The following GPR78 variants were observed in gnomAD, a reference collection of about 807,000 sequenced individuals.
GPR78 encodes G protein-coupled receptor 78.
In GPR78, 29 loss-of-function variants were observed where a neutral mutation model predicts 17.9. The observed-to-expected ratio is 1.62, with a 90% confidence interval of 1.20 to 2.21. The LOEUF (loss-of-function observed/expected upper bound fraction) is 2.21. GPR78 is among the 30% of genes most tolerant of loss of function. The pLI, the probability that GPR78 is intolerant of heterozygous loss-of-function variation, is 0.00. For missense variants in GPR78, 649 were observed against 530.5 expected (o/e 1.22, Z -2.19); for synonymous variants, 349 against 256.9 (o/e 1.36, Z -3.43).
chr4:8,588,879 C>G lies in GPR78; in HGVS notation c.*1516C>G, dbSNP rs1713631498. ...GTGTTATTATTATACTTTTAAAAAA[C>G]TTTTTGAGACAGGGTCTGACTCTGT... On this transcript the variant is annotated 3_prime_UTR_variant, in exon 3 of 3. Coordinates refer to ENST00000382487, the MANE Select transcript of GPR78 (RefSeq NM_080819.5). 6.6e-6 allele frequency among the ~76,000 whole-genome samples: 1 copy of G among 152,160 alleles called. No homozygotes were observed. Among genetic ancestry groups the G allele is most frequent in the East Asian group, 1.9e-4 (1 of 5,192 alleles).
Position 8,589,827 on chromosome 4 carries a change from G to A in GPR78, c.*2464G>A, listed in dbSNP as rs1454886394. Among the ~76,000 whole-genome samples the A allele has an allele frequency of 6.6e-6, 1 of 152,030 alleles. No homozygotes were observed. Among genetic ancestry groups the A allele is most frequent in the Non-Finnish European group, 1.5e-5 (1 of 68,030 alleles). On this transcript the variant is annotated 3_prime_UTR_variant, in exon 3 of 3. Transcript: ENST00000382487. ...AGCTCCATGGAATGTTCTGGAGCAG[G>A]CATCTTAGGGCATTCCCTCCGCACT... is the stretch of plus-strand genomic sequence containing the variant.
Position 8,587,427 on chromosome 4 carries a change from C to A in GPR78, c.*64C>A. 1 of 1,508,086 alleles carries A rather than the reference C, an allele frequency of 6.6e-7. No homozygotes were observed. The highest frequency in any genetic ancestry group is 1.2e-5 in the South Asian group (1 of 80,668). 93.4% of individuals were successfully genotyped at this position (1,508,086 alleles called of 1,614,324 possible). A position where few individuals can be genotyped will look rare whatever the true frequency, so the allele number is the denominator to read the frequency against. ...CCCTGTGGAAAGGGCACTGGCCCTG[C>A]CACAGAGATGCCACTGGGGACCCCC... is the stretch of plus-strand genomic sequence containing the variant. On this transcript the variant is annotated 3_prime_UTR_variant, in exon 3 of 3. Coordinates refer to ENST00000382487, the MANE Select transcript of GPR78 (RefSeq NM_080819.5).
Position 8,587,369 on chromosome 4 carries a change from T to C in GPR78, c.*6T>C. On this transcript the variant is annotated 3_prime_UTR_variant, in exon 3 of 3. Transcript: ENST00000382487. ...GCCTGCAGCAGACACACTGAGGGCC[T>C]GGCAGGGCTCATCGCCCCCACCTTC... 1 of 1,608,660 alleles carries C rather than the reference T, an allele frequency of 6.2e-7. No homozygotes were observed. Among genetic ancestry groups the C allele is most frequent in the South Asian group, 1.1e-5 (1 of 90,828 alleles).
intron 2 of GPR78, 49 bp downstream of exon 2, chr4:8,582,693 T>G: frequency 7.8e-7 from 1 of 1,277,286 alleles, no homozygotes; most frequent in Non-Finnish European, 1.1e-6. Flanking sequence ...TGGGTGGGCT[T>G]GGCCTCAGTT....
chr4:8,589,750 ACT>A lies in GPR78; in HGVS notation c.*2388_*2389del, dbSNP rs1713678290. 6.6e-6 allele frequency among the ~76,000 whole-genome samples: 1 copy of A among 152,164 alleles called. No individual in the cohort carries two copies. The highest frequency in any genetic ancestry group is 1.5e-5 in the Non-Finnish European group (1 of 68,030). On this transcript the variant is annotated 3_prime_UTR_variant, in exon 3 of 3. Transcript: ENST00000382487. ...AGGCACCATGGTTAGAGGGAGGCAC[ACT>A]GTTTCTTAGAGACGGGGACTGCTTG...
chr4:8,580,740 T>C lies in GPR78; in HGVS notation c.-243T>C. The C allele has an allele frequency of 3.6e-6, 2 of 551,864 alleles. No homozygotes were observed. The highest frequency in any genetic ancestry group is 5.0e-5 in the South Asian group (2 of 39,790). 34.2% of individuals were successfully genotyped at this position (551,864 alleles called of 1,614,324 possible). On this transcript the variant is annotated 5_prime_UTR_variant, in exon 1 of 3. Transcript: ENST00000382487. ...TCAGCACCCTGGACAGCACCGCGGT[T>C]GCGCTGCCTCCAGGGCGGCCCCGGG...
At position 8,581,336 on chromosome 4, in the gene GPR78, G is replaced by C; in HGVS notation, c.354G>C (p.Leu118=). The C allele has an allele frequency of 6.3e-7, 1 of 1,576,924 alleles. No homozygotes were observed. The highest frequency in any genetic ancestry group is 1.1e-5 in the South Asian group (1 of 88,044). The stretch of plus-strand genomic sequence containing the variant: ...TCCCACTGCGCTACGCCGGACGCCT[G>C]CGACCGCGCTATGCCGGCCTGCTGC... ...VGFPLRYAGR[L]RPRYAGLLLG... The change falls in exon 1 of 3, where the codon CTG becomes CTC. Residue 118 remains leucine (L), a synonymous_variant. Transcript: ENST00000382487.
Position 8,581,583 on chromosome 4 carries a change from A to G in GPR78, c.601A>G (p.Arg201Gly). The G allele has an allele frequency of 3.2e-6, 5 of 1,566,444 alleles. No individual in the cohort carries two copies. The highest frequency in any genetic ancestry group is 4.3e-6 in the Non-Finnish European group (5 of 1,163,954). The change falls in exon 1 of 3, where the codon AGA becomes GGA. Residue 201 changes from arginine (R) to glycine (G), a missense_variant. Physicochemically the swap from Arg to Gly is moderately radical, Grantham distance 125 (BLOSUM62 -2). Coordinates refer to ENST00000382487, the MANE Select transcript of GPR78 (RefSeq NM_080819.5). ...TSLQVHRVAR[R>G]HCQRMDTVTM... is the part of the protein sequence containing the mutation. ...GCTCCAGGTGCACCGGGTGGCACGCAGACACTGCCAGCGCATGGACACCGT... is the reference window on the plus strand; with the variant it reads ...GCTCCAGGTGCACCGGGTGGCACGCGGACACTGCCAGCGCATGGACACCGT...
rs150245461 is a variant in GPR78 at position 8,580,992 on chromosome 4, G to T, written c.10G>T (p.Gly4Cys). 1.6e-5 allele frequency: 25 copies of T among 1,585,532 alleles called. 1 individual carries two copies. The African/African-American group carries it at 2.1e-4, about 14-fold the overall frequency. Residue 4 changes from glycine to cysteine, a missense_variant, in exon 1 of 3, where the codon GGC becomes TGC. Physicochemically the swap from Gly to Cys is radical, Grantham distance 159 (BLOSUM62 -3). Coordinates refer to ENST00000382487, the MANE Select transcript of GPR78 (RefSeq NM_080819.5). ...GCGAGCCGCTAGCGCCATGGGCCCC[G>T]GCGAGGCGCTGCTGGCGGGTCTCCT... MGPGEALLAGLLVM... is the reference protein window; with the variant it reads MGPCEALLAGLLVM...
Position 8,582,564 on chromosome 4 carries a change from G to T in GPR78, c.702G>T (p.Arg234=). Reference sequence around the variant, plus strand: ...AGCGCTGCCTCATCCAGCAGAAGCGGCGCCGCCACCGCGCCACCAGGAAGA... The same window carrying T: ...AGCGCTGCCTCATCCAGCAGAAGCGTCGCCGCCACCGCGCCACCAGGAAGA... The part of the protein sequence containing the change: ...VRQRCLIQQK[R]RRHRATRKIG... Residue 234 remains arginine (R), a synonymous_variant, in exon 2 of 3, where the codon CGG becomes CGT. Coordinates refer to ENST00000382487, the MANE Select transcript of GPR78 (RefSeq NM_080819.5). 6.2e-7 allele frequency: 1 copy of T among 1,611,628 alleles called. No homozygotes were observed.
rs907704008 is a variant in GPR78, at chr4:8,589,837, G to A, written c.*2474G>A. Among the ~76,000 whole-genome samples the A allele has an allele frequency of 6.6e-6, 1 of 151,966 alleles. No homozygotes were observed. Among genetic ancestry groups the A allele is most frequent in the African/African-American group, 2.4e-5 (1 of 41,350 alleles). On this transcript the variant is annotated 3_prime_UTR_variant, in exon 3 of 3. Transcript: ENST00000382487. ...AATGTTCTGGAGCAGGCATCTTAGGGCATTCCCTCCGCACTTCTCTGCCAG... is the reference window on the plus strand; with the variant it reads ...AATGTTCTGGAGCAGGCATCTTAGGACATTCCCTCCGCACTTCTCTGCCAG...
chr4:8,581,181 G>A lies in GPR78; in HGVS notation c.199G>A (p.Val67Met). 1 of 1,602,928 alleles carries A rather than the reference G, an allele frequency of 6.2e-7. No homozygotes were observed. Among genetic ancestry groups the A allele is most frequent in the Non-Finnish European group, 8.5e-7 (1 of 1,179,276 alleles). Residue 67 changes from valine to methionine, a missense_variant, in exon 1 of 3, where the codon GTG becomes ATG. Transcript: ENST00000382487. ...ALDMPFTLLGVMRGRTPSAPG... is the reference protein window; with the variant it reads ...ALDMPFTLLGMMRGRTPSAPG... ...GGACATGCCCTTCACGCTGCTCGGT[G>A]TGATGCGCGGGCGGACACCGTCGGC...
rs1410778184 is a variant in GPR78 at position 8,580,800 on chromosome 4, G to T, written c.-183G>T. ...CTCCGCAGAGCTACGCCCTCCCCCC[G>T]GGTGCCCCGGACCCTGCACTTGCCG... On this transcript the variant is annotated 5_prime_UTR_variant, in exon 1 of 3. Transcript: ENST00000382487. 3.4e-5 allele frequency: 21 copies of T among 624,712 alleles called. No homozygotes were observed. The highest frequency in any genetic ancestry group is 6.5e-5 in the Admixed American group (2 of 30,720). The allele number at this position is 624,712 out of a possible 1,614,324, so 38.7% of individuals were successfully genotyped here. A position where few individuals can be genotyped will look rare whatever the true frequency, so the allele number is the denominator to read the frequency against.
rs372801089 is a variant in GPR78, at chr4:8,581,644, AC to A, written c.666del (p.Ser223ValfsTer37). ...MKALALLADL[H>X]PSVRQRCLIQ... ...GCGCTCGCGCTGCTCGCCGACCTGC[AC>A]CCCAGGTATTGGCCCAGTGCATGCC... On this transcript the variant is annotated frameshift_variant, in exon 1 of 3. Transcript: ENST00000382487. LOFTEE classifies it high-confidence loss of function. 1.2e-4 allele frequency: 180 copies of A among 1,475,770 alleles called. No individual in the cohort carries two copies. The highest frequency in any genetic ancestry group is 3.9e-4 in the Admixed American group (17 of 43,650). 91.4% of individuals were successfully genotyped at this position (1,475,770 alleles called of 1,614,324 possible).
At chr4:8,582,420 A>G (rs1713331673) in intron 1 of GPR78, 111 bp from the exon 2 acceptor site, 1 of 692,932 alleles carries the variant, frequency 1.4e-6, no homozygotes, top group East Asian at 2.6e-5. Context: ...GTTCCAGGCT[A>G]AACATCCTCC....
chr4:8,584,283 A>C (rs1475922508), intron 2 of GPR78, among the ~76,000 whole-genome samples: 1 of 152,232 alleles, frequency 6.6e-6, no homozygotes, highest in African/African-American at 2.4e-5. Flanking sequence ...TGCCCTGAAC[A>C]TGTATGTGAG....
Position 8,581,658 on chromosome 4 carries a change from C to A in GPR78, c.668+8C>A, listed in dbSNP as rs1328228328. ...CGCCGACCTGCACCCCAGGTATTGG[C>A]CCAGTGCATGCCGACAGGCCCAGGC... On this transcript the variant is annotated splice_region_variant and intron_variant, in intron 1 of 2. Transcript: ENST00000382487. 2.8e-6 allele frequency: 4 copies of A among 1,453,744 alleles called. No individual in the cohort carries two copies. The East Asian group carries it at 9.9e-5, about 36-fold the overall frequency. The allele number at this position is 1,453,744 out of a possible 1,614,324, so 90.1% of individuals were successfully genotyped here. A position where few individuals can be genotyped will look rare whatever the true frequency, so the allele number is the denominator to read the frequency against.
Position 8,589,195 on chromosome 4 carries a change from C to T in GPR78, c.*1832C>T, listed in dbSNP as rs1713644879. Among the ~76,000 whole-genome samples, 1 of 152,126 alleles carries T rather than the reference C, an allele frequency of 6.6e-6. No individual in the cohort carries two copies. Among genetic ancestry groups the T allele is most frequent in the Admixed American group, 6.5e-5 (1 of 15,284 alleles). On this transcript the variant is annotated 3_prime_UTR_variant, in exon 3 of 3. Transcript: ENST00000382487. ...CAAAACCAGGTGTTATTTGCTGACT[C>T]ACCAATGCCTCCCCCAAAAGGATAA...
intron 2 of GPR78, among the ~76,000 whole-genome samples, chr4:8,585,865 C>G (rs1713483417): frequency 6.6e-6 from 1 of 152,194 alleles, no homozygotes; most frequent in South Asian, 2.1e-4. Context: ...ATTGCTGCAC[C>G]CCAGCAGCTG....
Sources: gnomAD v4.1 joint callset for allele counts (sites outside exome capture counted in the v4.1 genomes callset) on GRCh38, gnomAD v4.1.1 for gene constraint, MANE v1.5 for transcripts, NCBI Gene and HGNC (gene_info 2026-07-23, HGNC 2026-07-21) for gene names.